The following TENM1 variants were observed in gnomAD, a reference collection of about 807,000 sequenced individuals.
TENM1 encodes teneurin-1.
TENM1 carries 35 observed loss-of-function variants against 174.8 expected under a neutral mutation model. That is an observed-to-expected ratio of 0.20 (90% confidence interval 0.15 to 0.27). TENM1 has a LOEUF of 0.27. Among genes scored for constraint, TENM1 ranks in the 10% least tolerant of loss-of-function variants. The pLI, the probability that TENM1 is intolerant of heterozygous loss-of-function variation, is 1.00. For synonymous variants in TENM1, 781 were observed against 798.7 expected (o/e 0.98, Z 0.37); for missense variants, 1,633 against 2,130.1 (o/e 0.77, Z 4.59).
intron 3 of TENM1, among the ~76,000 whole-genome samples, chrX:124,843,053 G>A (rs6608218): frequency 0.028 from 3,054 of 110,718 alleles, 115 homozygotes; most frequent in African/African-American, 0.096. Context: ...GAACAAACCC[G>A]CAGTGATGAA....
At chrX:124,493,910 A>G (rs768012017) in intron 20 of TENM1, among the ~76,000 whole-genome samples, 132 of 111,821 alleles carry the variant, frequency 1.2e-3, no homozygotes, top group African/African-American at 4.1e-3. Context: ...TAGCTAAAGG[A>G]TTTAACAGCT....
intron 6 of TENM1, among the ~76,000 whole-genome samples, chrX:124,667,947 G>T (rs950115436): frequency 9.0e-6 from 1 of 110,789 alleles, no homozygotes; most frequent in Non-Finnish European, 1.9e-5. Flanking sequence ...GCCATTCATC[G>T]CCATTCTAAC....
chrX:124,779,089 T>C (rs941477297), intron 3 of TENM1, among the ~76,000 whole-genome samples: 2 of 111,774 alleles, frequency 1.8e-5, no homozygotes, highest in African/African-American at 6.5e-5. Flanking sequence ...TTAAAAGGTT[T>C]CTGGAATATA....
intron 3 of TENM1, among the ~76,000 whole-genome samples, chrX:124,755,863 T>G (rs575651418): frequency 9.2e-6 from 1 of 108,307 alleles, no homozygotes; most frequent in South Asian, 4.0e-4. Flanking sequence ...GATCTGCTGT[T>G]AGTCTGATGG....
intron 4 of TENM1, among the ~76,000 whole-genome samples, chrX:124,734,445 CTCAAATAA>C (rs1441637187): frequency 2.0e-5 from 2 of 98,389 alleles, no homozygotes; most frequent in Non-Finnish European, 4.0e-5. Context: ...AGGAGACTGT[CTCAAATAA>C]ATAAATAAAT....
chrX:124,390,309 C>T (rs2060268839), intron 28 of TENM1, among the ~76,000 whole-genome samples: 1 of 112,196 alleles, frequency 8.9e-6, no homozygotes, highest in African/African-American at 3.2e-5. Flanking sequence ...TCAATAGGCT[C>T]TTATGTTATT....
intron 27 of TENM1, among the ~76,000 whole-genome samples, chrX:124,397,822 T>C (rs1462638400): frequency 9.2e-6 from 1 of 108,950 alleles, no homozygotes; most frequent in East Asian, 3.0e-4. Context: ...GGTCTTGAAG[T>C]GACCCAGTGA....
chrX:124,752,318 C>T (rs770297651), intron 3 of TENM1, among the ~76,000 whole-genome samples: 441 of 111,673 alleles, frequency 3.9e-3, no homozygotes, highest in Non-Finnish European at 6.7e-3. Flanking sequence ...TCATGTCCTT[C>T]GCCCACTTTT....
chrX:124,548,206 C>G (rs1334560181), intron 14 of TENM1, among the ~76,000 whole-genome samples: 3 of 111,658 alleles, frequency 2.7e-5, no homozygotes, highest in Non-Finnish European at 5.6e-5. Flanking sequence ...TGGCCCTTCA[C>G]CATTTGCTGT....
intron 24 of TENM1, 103 bp from the exon 28 acceptor site, chrX:124,420,924 C>T (rs780888586): frequency 8.3e-4 from 649 of 779,472 alleles, no homozygotes; most frequent in Non-Finnish European, 1.1e-3. Context: ...TTAAAGGAAA[C>T]AATCAGTGAA....
At chrX:125,159,117 C>T in the TENM1 span, among the ~76,000 whole-genome samples, 1 of 111,549 alleles carries the variant, frequency 9.0e-6, no homozygotes, top group African/African-American at 3.3e-5. Flanking sequence ...AAATTGGGTA[C>T]TATAGCCCAC....
chrX:125,069,237 G>T, the TENM1 span, among the ~76,000 whole-genome samples: 1 of 111,493 alleles, frequency 9.0e-6, no homozygotes, highest in African/African-American at 3.3e-5. Context: ...AGCTCCATTT[G>T]TAAGTGAGAG....
At chrX:124,638,812 C>A (rs751228426) in intron 11 of TENM1, among the ~76,000 whole-genome samples, 15 of 111,591 alleles carry the variant, frequency 1.3e-4, no homozygotes, top group African/African-American at 2.9e-4. Context: ...CTGCCCCAAA[C>A]CTACTTTTCG....
intron 11 of TENM1, among the ~76,000 whole-genome samples, chrX:124,597,771 A>C (rs1020023551): frequency 2.7e-5 from 3 of 111,771 alleles, no homozygotes; most frequent in Non-Finnish European, 5.6e-5. Flanking sequence ...TCAAACTATG[A>C]AACTACTACA....
At position 124,653,751 on chromosome X, in the gene TENM1, C is replaced by T. The variant is rs769150441; in HGVS notation, c.1201G>A (p.Glu401Lys). 5 of 1,211,195 alleles carry T rather than the reference C, an allele frequency of 4.1e-6. No homozygotes were observed. Among genetic ancestry groups the T allele is most frequent in the Admixed American group, 4.3e-5 (2 of 46,040 alleles). The change falls in exon 7 of 32, where the codon GAA becomes AAA. Residue 401 changes from glutamate to lysine, a missense_variant. By Grantham distance (56) the Glu-to-Lys change is moderately conservative. This residue lies in a region of TENM1 where 305 missense variants were observed against 309.2 expected (regional missense o/e 0.99). Coordinates refer to ENST00000422452, the Ensembl canonical transcript of TENM1. ...ATGACCTGTGCACCAATGTCAACTT[C>T]TCCAGTGTCTATCGCCCGTCCCTTC...
chrX:124,867,153 C>A (rs2057023503), intron 3 of TENM1, among the ~76,000 whole-genome samples: 1 of 111,305 alleles, frequency 9.0e-6, no homozygotes, highest in South Asian at 3.7e-4. Context: ...TCCAATATTA[C>A]CCTGATACCA....
chrX:125,118,237 G>A, the TENM1 span, among the ~76,000 whole-genome samples: 1 of 110,900 alleles, frequency 9.0e-6, no homozygotes, highest in Non-Finnish European at 1.9e-5. Context: ...AGAGTGAGCG[G>A]GGAGTGAGGG....
the TENM1 span, among the ~76,000 whole-genome samples, chrX:125,089,343 C>G: frequency 8.9e-6 from 1 of 112,032 alleles, no homozygotes; most frequent in Admixed American, 9.5e-5. Context: ...GGGTTTAAGA[C>G]TATTTATTGG....
chrX:124,379,117 T>A (rs2060130079), exon 32 of TENM1: 1 of 112,371 alleles, frequency 8.9e-6, no homozygotes, highest in African/African-American at 3.2e-5. Flanking sequence ...TCCTAGAGAT[T>A]GAGAAACTGC....
Sources: allele counts gnomAD v4.1 joint callset (sites outside exome capture counted in the v4.1 genomes callset), GRCh38; gene constraint gnomAD v4.1.1; regional missense constraint gnomAD v4.1.1; transcripts MANE v1.5; gene names NCBI Gene and HGNC (gene_info 2026-07-23, HGNC 2026-07-21).